The following SORL1-AS1 variants were observed in gnomAD, a reference collection of about 807,000 sequenced individuals.
SORL1-AS1 encodes the protein lncRNA 51 A.
At chr11:121,444,082 G>A (rs1372926216), downstream of SORL1-AS1, among the ~76,000 whole-genome samples, 1 of 147,760 alleles carries the variant, frequency 6.8e-6, no homozygotes, top group Non-Finnish European at 1.5e-5. Flanking sequence ...ATGTGTGTGT[G>A]TGTGTGCGCG....
chr11:121,442,295 C>A, the SORL1-AS1 span, among the ~76,000 whole-genome samples: 4 of 152,084 alleles, frequency 2.6e-5, no homozygotes, highest in African/African-American at 9.7e-5. Flanking sequence ...TGGTAACGAG[C>A]AACTAGAATC....
Position 121,452,495 on chromosome 11 carries a change from C to T in SORL1-AS1, n.339+180G>A. 6.7e-7 allele frequency: 1 copy of T among 1,483,420 alleles called. No homozygotes were observed. The highest frequency in any genetic ancestry group is 8.9e-7 in the Non-Finnish European group (1 of 1,119,506). 91.9% of individuals were successfully genotyped at this position (1,483,420 alleles called of 1,614,324 possible). A position where few individuals can be genotyped will look rare whatever the true frequency, so the allele number is the denominator to read the frequency against. Reference sequence around the variant, plus strand: ...GGCTTCCTCGTGGTGCAGGGCGACCCGCGCGAGCTGCGGCTGTGGGCGCGC... The same window carrying T: ...GGCTTCCTCGTGGTGCAGGGCGACCTGCGCGAGCTGCGGCTGTGGGCGCGC... On this transcript the variant is annotated intron_variant and non_coding_transcript_variant, in intron 1 of 1. Transcript: ENST00000501964. The surrounding 1 kb of genome is among the most constrained non-coding windows in gnomAD (Gnocchi z 5.3).
chr11:121,450,677 C>G lies in SORL1-AS1; in HGVS notation n.340-778G>C, dbSNP rs961023508. ...AGTGTGGTATTTTGATACCTGTATACAATGTATAATGAACAAAGCAGGGTG... is the reference window on the plus strand; with the variant it reads ...AGTGTGGTATTTTGATACCTGTATAGAATGTATAATGAACAAAGCAGGGTG... On this transcript the variant is annotated intron_variant and non_coding_transcript_variant, in intron 1 of 1. Transcript: ENST00000501964. The surrounding 1 kb of genome is among the most constrained non-coding windows in gnomAD (Gnocchi z 5.2). Among the ~76,000 whole-genome samples the G allele has an allele frequency of 2.0e-5, 3 of 152,034 alleles. No individual in the cohort carries two copies. Among genetic ancestry groups the G allele is most frequent in the Admixed American group, 6.5e-5 (1 of 15,272 alleles).
At chr11:121,444,042 T>C (rs138915513), downstream of SORL1-AS1, among the ~76,000 whole-genome samples, 469 of 152,246 alleles carry the variant, frequency 3.1e-3, 2 homozygotes, top group African/African-American at 0.011. Context: ...GTACAGGATG[T>C]GTGATGGCCT....
At chr11:121,451,962 T>C (rs1191874161) in intron 1 of SORL1-AS1, among the ~76,000 whole-genome samples, 1 of 152,088 alleles carries the variant, frequency 6.6e-6, no homozygotes, top group Non-Finnish European at 1.5e-5. Context: ...GCGAGCCCCA[T>C]GCAACTCTTC....
At position 121,452,050 on chromosome 11, in the gene SORL1-AS1, C is replaced by T. The variant is rs1391506253; in HGVS notation, n.339+625G>A. Among the ~76,000 whole-genome samples the T allele has an allele frequency of 6.6e-6, 1 of 152,128 alleles. No homozygotes were observed. Among genetic ancestry groups the T allele is most frequent in the African/African-American group, 2.4e-5 (1 of 41,460 alleles). On this transcript the variant is annotated intron_variant and non_coding_transcript_variant, in intron 1 of 1. Coordinates refer to ENST00000501964, the Ensembl canonical transcript of SORL1-AS1. The surrounding 1 kb of genome is among the most constrained non-coding windows in gnomAD (Gnocchi z 5.3). ...CACCGGCGCTCGCTGCCTTAACTTC[C>T]CCATCCCCGCGCCAGGGAGGGGCCG...
At chr11:121,442,114 T>C in the SORL1-AS1 span, among the ~76,000 whole-genome samples, 17 of 152,318 alleles carry the variant, frequency 1.1e-4, no homozygotes, top group African/African-American at 3.8e-4. Context: ...ATAGCAAACC[T>C]TGCACCAGAT....
downstream of SORL1-AS1, among the ~76,000 whole-genome samples, chr11:121,446,615 A>T (rs945789764): frequency 1.3e-5 from 2 of 152,044 alleles, no homozygotes; most frequent in Non-Finnish European, 2.9e-5. Flanking sequence ...GCCAGGTGTG[A>T]TGACACATGC....
At chr11:121,446,088 C>T (rs1860718126), downstream of SORL1-AS1, among the ~76,000 whole-genome samples, 1 of 152,240 alleles carries the variant, frequency 6.6e-6, no homozygotes, top group Non-Finnish European at 1.5e-5. Flanking sequence ...AACCAACTGC[C>T]GAAGGGTGTG....
chr11:121,446,760 A>G (rs1349763722), downstream of SORL1-AS1, among the ~76,000 whole-genome samples: 1 of 151,948 alleles, frequency 6.6e-6, no homozygotes, highest in Non-Finnish European at 1.5e-5. Flanking sequence ...AGAAGAAAAA[A>G]AAAAAAAAAA....
At chr11:121,441,335 A>G in the SORL1-AS1 span, among the ~76,000 whole-genome samples, 1 of 151,234 alleles carries the variant, frequency 6.6e-6, no homozygotes, top group Non-Finnish European at 1.5e-5. Context: ...CATCCTGGCT[A>G]ACACGGTGAA....
At chr11:121,442,008 C>T in the SORL1-AS1 span, among the ~76,000 whole-genome samples, 2 of 152,080 alleles carry the variant, frequency 1.3e-5, no homozygotes, top group Non-Finnish European at 2.9e-5. Context: ...TTATTCATGC[C>T]CAATCATTAG....
chr11:121,452,883 T>C lies in SORL1-AS1; in HGVS notation n.131A>G, dbSNP rs2134757638. ...CCAGGGTGTGTGCAGAGAGATGTAG[T>C]TTCCGGCAGGTATAGGAGGGGTGCA... On this transcript the variant is annotated non_coding_transcript_exon_variant, in exon 1 of 2. Coordinates refer to ENST00000501964, the Ensembl canonical transcript of SORL1-AS1. The surrounding 1 kb of genome is among the most constrained non-coding windows in gnomAD (Gnocchi z 5.3). 2.6e-6 allele frequency: 1 copy of C among 390,650 alleles called. No homozygotes were observed. Among genetic ancestry groups the C allele is most frequent in the South Asian group, 8.5e-5 (1 of 11,726 alleles). 24.2% of individuals were successfully genotyped at this position (390,650 alleles called of 1,614,324 possible). A position where few individuals can be genotyped will look rare whatever the true frequency, so the allele number is the denominator to read the frequency against.
the SORL1-AS1 span, among the ~76,000 whole-genome samples, chr11:121,441,558 G>T: frequency 0.022 from 2,931 of 132,478 alleles, 73 homozygotes; most frequent in Middle Eastern, 0.041. Context: ...AAAGAATAAG[G>T]CCTCTATTTC....
chr11:121,445,585 C>A (rs979919198), downstream of SORL1-AS1, among the ~76,000 whole-genome samples: 1 of 152,094 alleles, frequency 6.6e-6, no homozygotes, highest in African/African-American at 2.4e-5. Context: ...ACCCTGAAAC[C>A]TTTCCTCCTT....
At chr11:121,438,278 C>G in the SORL1-AS1 span, among the ~76,000 whole-genome samples, 1 of 152,178 alleles carries the variant, frequency 6.6e-6, no homozygotes, top group Non-Finnish European at 1.5e-5. Flanking sequence ...CTGGAAGAAG[C>G]AACTCATTTC....
At chr11:121,445,236 G>A (rs1016484664), downstream of SORL1-AS1, among the ~76,000 whole-genome samples, 1 of 152,188 alleles carries the variant, frequency 6.6e-6, no homozygotes, top group African/African-American at 2.4e-5. Flanking sequence ...ACAGTGAGGG[G>A]CGTGATCTGT....
At chr11:121,444,483 C>T (rs759426406), downstream of SORL1-AS1, among the ~76,000 whole-genome samples, 7 of 152,158 alleles carry the variant, frequency 4.6e-5, no homozygotes, top group Non-Finnish European at 7.3e-5. Flanking sequence ...CTGGCAGAGC[C>T]GGATATAAAC....
downstream of SORL1-AS1, among the ~76,000 whole-genome samples, chr11:121,445,857 G>A (rs1463195929): frequency 1.3e-5 from 2 of 151,978 alleles, no homozygotes; most frequent in African/African-American, 2.4e-5. Flanking sequence ...CTTGCAGTTA[G>A]TGGCTGTGTC....
Sources: gnomAD v4.1 joint callset for allele counts (sites outside exome capture counted in the v4.1 genomes callset) on GRCh38, gnomAD v4.1.1 for gene constraint, Gnocchi (gnomAD v3.1) non-coding constraint, MANE v1.5 for transcripts, NCBI Gene and HGNC (gene_info 2026-07-23, HGNC 2026-07-21) for gene names.